Variants in CADM2 observed in about 807,000 individuals in gnomAD.
CADM2 encodes the protein cell adhesion molecule 2.
A neutral mutation model predicts 49.8 loss-of-function variants in CADM2; 12 were observed. That is an observed-to-expected ratio of 0.24 (90% confidence interval 0.15 to 0.39). The LOEUF is 0.39. Ranked by LOEUF, CADM2 falls within the 10% of genes least tolerant of loss-of-function variation. CADM2 has a pLI of 1.00. For missense variants in CADM2, 378 were observed against 492.3 expected (o/e 0.77, Z 2.20); for synonymous variants, 214 against 175.4 (o/e 1.22, Z -1.74).
At chr3:85,053,321 T>C (rs2035955166) in intron 1 of CADM2, among the ~76,000 whole-genome samples, 1 of 152,038 alleles carries the variant, frequency 6.6e-6, no homozygotes, top group Non-Finnish European at 1.5e-5. Flanking sequence ...ATCTCTACTT[T>C]GTTCTCCTTG....
intron 1 of CADM2, among the ~76,000 whole-genome samples, chr3:85,603,727 C>T (rs575674849): frequency 5.9e-5 from 9 of 151,804 alleles, no homozygotes; most frequent in East Asian, 1.9e-4. Flanking sequence ...AATTTCAAGC[C>T]GTATACTTAA....
At chr3:86,049,847 G>A (rs567186580) in intron 8 of CADM2, among the ~76,000 whole-genome samples, 3 of 152,174 alleles carry the variant, frequency 2.0e-5, no homozygotes, top group Admixed American at 1.3e-4. Context: ...TAATCACCTC[G>A]CATCATGCCC....
chr3:85,092,620 C>A (rs1000443008), intron 1 of CADM2, among the ~76,000 whole-genome samples: 1 of 152,146 alleles, frequency 6.6e-6, no homozygotes, highest in Non-Finnish European at 1.5e-5. Context: ...AGTTTAGCCT[C>A]ATCAGTTTTG....
rs183128354 is a variant in CADM2, at chr3:85,983,844, C to T, written c.970+22197C>T. 3.3e-5 allele frequency among the ~76,000 whole-genome samples: 5 copies of T among 151,590 alleles called. No individual in the cohort carries two copies. The East Asian group carries it at 9.7e-4, about 29-fold the overall frequency. On this transcript the variant is annotated intron_variant, in intron 8 of 9. Transcript: ENST00000383699. ...CTTTCATCTATCATTCATCTACCAT[C>T]TGTCTGTCCTTTGAAGTATAACAGT...
At chr3:85,088,502 T>A (rs954610689) in intron 1 of CADM2, among the ~76,000 whole-genome samples, 1 of 152,166 alleles carries the variant, frequency 6.6e-6, no homozygotes, top group Non-Finnish European at 1.5e-5. Context: ...AACCACCTTT[T>A]ATTTTTCTGG....
At position 85,565,572 on chromosome 3, in the gene CADM2, C is replaced by A. The variant is rs1261541665; in HGVS notation, c.62-160950C>A. Among the ~76,000 whole-genome samples, 3 of 151,918 alleles carry A rather than the reference C, an allele frequency of 2.0e-5. No individual in the cohort carries two copies. In the East Asian group the frequency reaches 5.8e-4, roughly 29 times the overall value. On this transcript the variant is annotated intron_variant, in intron 1 of 9. Transcript: ENST00000383699. ...CCAACTTTTCCACCATAAAAAAATA[C>A]CTTTATTTTAACAATGCTCATATCT... is the stretch of plus-strand genomic sequence containing the variant.
intron 1 of CADM2, among the ~76,000 whole-genome samples, chr3:85,172,157 G>T (rs778271215): frequency 1.7e-4 from 26 of 152,200 alleles, no homozygotes; most frequent in Middle Eastern, 3.2e-3. Flanking sequence ...ACCTGGGGAT[G>T]AATATTCTCT....
intron 1 of CADM2, among the ~76,000 whole-genome samples, chr3:85,092,654 TC>T (rs2037640146): frequency 6.6e-6 from 1 of 152,156 alleles, no homozygotes; most frequent in Admixed American, 6.5e-5. Context: ...TGGCTCAGCT[TC>T]CTTTTTTTCC....
At chr3:85,487,558 G>A (rs1576641012) in intron 1 of CADM2, among the ~76,000 whole-genome samples, 1 of 147,972 alleles carries the variant, frequency 6.8e-6, no homozygotes. Context: ...AGGAGGAGGA[G>A]GAGGAATAGG....
chr3:85,841,052 T>C (rs1485824384), intron 3 of CADM2, among the ~76,000 whole-genome samples: 1 of 151,782 alleles, frequency 6.6e-6, no homozygotes, highest in Non-Finnish European at 1.5e-5. Context: ...AATAATAATA[T>C]AATAATCAAT....
chr3:85,602,488 C>G (rs1266455911), intron 1 of CADM2, among the ~76,000 whole-genome samples: 22 of 151,672 alleles, frequency 1.5e-4, no homozygotes, highest in Non-Finnish European at 5.9e-5. Flanking sequence ...ATAACAAATC[C>G]AACAACTTGC....
chr3:85,080,271 T>C (rs2037114177), intron 1 of CADM2, among the ~76,000 whole-genome samples: 1 of 152,028 alleles, frequency 6.6e-6, no homozygotes, highest in Non-Finnish European at 1.5e-5. Flanking sequence ...TCTTAACTCC[T>C]ATTTTATGTG....
At position 85,580,309 on chromosome 3, in the gene CADM2, A is replaced by C. The variant is rs541570833; in HGVS notation, c.62-146213A>C. ...TTGTCTAACATCATTCATGTTTAAT[A>C]TTTCTTTTGTTCCATTTAAGAAAAA... On this transcript the variant is annotated intron_variant, in intron 1 of 9. Transcript: ENST00000383699. Among the ~76,000 whole-genome samples the C allele has an allele frequency of 6.7e-4, 102 of 152,218 alleles. No individual in the cohort carries two copies. The South Asian group carries it at 0.019, about 29-fold the overall frequency.
chr3:85,574,852 C>T (rs950134965), intron 1 of CADM2, among the ~76,000 whole-genome samples: 1 of 152,088 alleles, frequency 6.6e-6, no homozygotes, highest in African/African-American at 2.4e-5. Context: ...GTCAGTAGAG[C>T]ACTTTAGCAA....
chr3:85,572,907 A>G (rs954140428), intron 1 of CADM2, among the ~76,000 whole-genome samples: 1 of 152,130 alleles, frequency 6.6e-6, no homozygotes, highest in Non-Finnish European at 1.5e-5. Context: ...TCACAGACAC[A>G]CCCCAAAGTA....
At chr3:85,031,666 C>T (rs1350585774) in intron 1 of CADM2, among the ~76,000 whole-genome samples, 17 of 152,090 alleles carry the variant, frequency 1.1e-4, no homozygotes, top group Admixed American at 5.9e-4. Context: ...AGGCACACGC[C>T]ACCACGCCCG....
chr3:84,964,052 G>A (rs1190379866), intron 1 of CADM2, among the ~76,000 whole-genome samples: 1 of 152,132 alleles, frequency 6.6e-6, no homozygotes, highest in Non-Finnish European at 1.5e-5. Flanking sequence ...AGATGTGGAA[G>A]CTTACTTCAT....
intron 1 of CADM2, among the ~76,000 whole-genome samples, chr3:85,475,825 T>C (rs181303517): frequency 6.6e-6 from 1 of 152,076 alleles, no homozygotes; most frequent in East Asian, 1.9e-4. Context: ...TTCCTAGATG[T>C]TTTATGTTTC....
intron 1 of CADM2, among the ~76,000 whole-genome samples, chr3:85,586,745 T>C (rs1462124642): frequency 2.0e-5 from 3 of 152,086 alleles, no homozygotes; most frequent in Non-Finnish European, 4.4e-5. Context: ...ACAACTTCAA[T>C]AAGTAGCATC....
Sources: gnomAD v4.1 joint callset for allele counts (sites outside exome capture counted in the v4.1 genomes callset) on GRCh38, gnomAD v4.1.1 for gene constraint, MANE v1.5 for transcripts, NCBI Gene and HGNC (gene_info 2026-07-23, HGNC 2026-07-21) for gene names.